PLPP3: variants seen among roughly 807,000 people sequenced by gnomAD.
The protein encoded by PLPP3 is phospholipid phosphatase 3.
PLPP3 carries 6 observed loss-of-function variants against 29.6 expected under a neutral mutation model. The ratio of observed to expected loss-of-function variants is 0.20; its 90% CI spans 0.11 to 0.40. The LOEUF is 0.40. Among genes scored for constraint, PLPP3 ranks in the 10% least tolerant of loss-of-function variants. PLPP3 has a pLI of 1.00. For missense variants in PLPP3, 308 were observed against 407.7 expected (o/e 0.76, Z 2.11); for synonymous variants, 152 against 159.7 (o/e 0.95, Z 0.36).
chr1:56,568,718 C>G (rs763999911), intron 1 of PLPP3, among the ~76,000 whole-genome samples: 4 of 152,134 alleles, frequency 2.6e-5, no homozygotes, highest in Non-Finnish European at 5.9e-5. Flanking sequence ...CTCCGCCTCC[C>G]GGGTTCAAGC....
At chr1:56,552,667 C>T (rs2100285046) in intron 1 of PLPP3, among the ~76,000 whole-genome samples, 1 of 152,270 alleles carries the variant, frequency 6.6e-6, no homozygotes, top group Middle Eastern at 3.4e-3. Flanking sequence ...TTCTCCTCTC[C>T]CTTTCTCATC....
At chr1:56,504,027 C>T (rs1407954331) in intron 5 of PLPP3, among the ~76,000 whole-genome samples, 1 of 152,184 alleles carries the variant, frequency 6.6e-6, no homozygotes, top group Non-Finnish European at 1.5e-5. Context: ...CCACCTTGGC[C>T]TCCTAAAGCG....
chr1:56,556,998 GAA>G (rs375397284), intron 1 of PLPP3, among the ~76,000 whole-genome samples: 242 of 7,448 alleles, frequency 0.032, 41 homozygotes, highest in African/African-American at 0.056. Flanking sequence ...AAGAAAGAAA[GAA>G]AGAAAGAAAG....
chr1:56,515,768 C>A (rs911375065), intron 4 of PLPP3, among the ~76,000 whole-genome samples: 2 of 152,146 alleles, frequency 1.3e-5, no homozygotes, highest in Non-Finnish European at 2.9e-5. Context: ...GAAAGCAGTG[C>A]AATAGTAAAG....
chr1:56,534,039 C>T (rs904589993), intron 2 of PLPP3, among the ~76,000 whole-genome samples: 33 of 152,172 alleles, frequency 2.2e-4, no homozygotes, highest in Non-Finnish European at 1.2e-4. Context: ...AGGTTCTGAG[C>T]GAGGCAAGCA....
chr1:56,523,771 A>T, intron 4 of PLPP3, 52 bp downstream of exon 4: 1 of 1,554,060 alleles, frequency 6.4e-7, no homozygotes. Context: ...TCATATCAGA[A>T]GGGATCGAAG....
intron 1 of PLPP3, among the ~76,000 whole-genome samples, chr1:56,555,456 A>AC (rs1646069970): frequency 6.7e-6 from 1 of 149,468 alleles, no homozygotes; most frequent in Admixed American, 6.7e-5. Flanking sequence ...AAAAAAAAAA[A>AC]AAAACAAAAA....
intron 1 of PLPP3, among the ~76,000 whole-genome samples, chr1:56,566,795 A>C (rs1777275): frequency 0.88 from 134,628 of 152,186 alleles, 59,773 homozygotes; most frequent in Non-Finnish European, 0.92. Flanking sequence ...GCATTTATAG[A>C]TCAACTCATT....
intron 5 of PLPP3, among the ~76,000 whole-genome samples, chr1:56,502,531 TAC>T (rs1197145155): frequency 6.6e-6 from 1 of 152,140 alleles, no homozygotes; most frequent in Non-Finnish European, 1.5e-5. Flanking sequence ...TTATCCAGAG[TAC>T]AGTTAAAAGA....
rs1014596270 is a variant in PLPP3, at chr1:56,524,702, T to A, written c.298-148A>T. 19 of 1,012,762 alleles carry A rather than the reference T, an allele frequency of 1.9e-5. No individual in the cohort carries two copies. Among genetic ancestry groups the A allele is most frequent in the Non-Finnish European group, 2.7e-5 (19 of 702,494 alleles). 62.7% of individuals were successfully genotyped at this position (1,012,762 alleles called of 1,614,324 possible). ...TATTTATGAAATATACAGACACAAA[T>A]ATGCACAGAAGAAAAGATCAAAGCG... On this transcript the variant is annotated intron_variant, in intron 2 of 5. Transcript: ENST00000371250. This position sits in a 1 kb window ranked among gnomAD's most constrained non-coding sequence, Gnocchi z 4.3.
At chr1:56,562,769 A>G (rs1315597027) in intron 1 of PLPP3, among the ~76,000 whole-genome samples, 2 of 152,226 alleles carry the variant, frequency 1.3e-5, no homozygotes, top group African/African-American at 2.4e-5. Context: ...TTTAATTATC[A>G]GCTCAGGACA....
At chr1:56,563,535 T>A (rs1646143499) in intron 1 of PLPP3, among the ~76,000 whole-genome samples, 1 of 152,236 alleles carries the variant, frequency 6.6e-6, no homozygotes, top group Non-Finnish European at 1.5e-5. Context: ...CCTTTTCTTC[T>A]AAGGCTCTAC....
rs1389323608 is a variant in PLPP3 at position 56,568,539 on chromosome 1, C to A, written c.139+10339G>T. ...TAGATTTCATAAATCTCCTATAAATCCTGCATTTAAAGTGTTTCTGGAAGG... is the reference window on the plus strand; with the variant it reads ...TAGATTTCATAAATCTCCTATAAATACTGCATTTAAAGTGTTTCTGGAAGG... On this transcript the variant is annotated intron_variant, in intron 1 of 5. Coordinates refer to ENST00000371250, the MANE Select transcript of PLPP3 (RefSeq NM_003713.5). Among the ~76,000 whole-genome samples, 3 of 152,286 alleles carry A rather than the reference C, an allele frequency of 2.0e-5. No homozygotes were observed. The South Asian group carries it at 6.2e-4, about 32-fold the overall frequency.
intron 1 of PLPP3, among the ~76,000 whole-genome samples, chr1:56,561,614 AT>A (rs1256929863): frequency 6.6e-6 from 1 of 152,172 alleles, no homozygotes; most frequent in Non-Finnish European, 1.5e-5. Context: ...TTTATAAAAT[AT>A]CTTTATATAC....
rs1553139188 is a variant in PLPP3 at position 56,555,454 on chromosome 1, A to AC, written c.140-18343_140-18342insG. ...ACACTAAAAAAAAAAAAAAAAAAAA[A>AC]AAAAAACAAAAAACAAACAAACAAA... On this transcript the variant is annotated intron_variant, in intron 1 of 5. Coordinates refer to ENST00000371250, the MANE Select transcript of PLPP3 (RefSeq NM_003713.5). Among the ~76,000 whole-genome samples the AC allele has an allele frequency of 1.5e-4, 22 of 149,526 alleles. No homozygotes were observed. In the South Asian group the frequency reaches 1.9e-3, roughly 13 times the overall value.
intron 2 of PLPP3, among the ~76,000 whole-genome samples, chr1:56,530,438 C>T (rs145714444): frequency 2.7e-3 from 417 of 152,194 alleles, no homozygotes; most frequent in African/African-American, 9.8e-3. Context: ...AGTACCATTT[C>T]AAATTAACCA....
chr1:56,526,595 T>A (rs1338874615), intron 2 of PLPP3, among the ~76,000 whole-genome samples: 1 of 152,202 alleles, frequency 6.6e-6, no homozygotes, highest in Non-Finnish European at 1.5e-5. Context: ...CATATGAGAT[T>A]TTTTATGCAG....
chr1:56,536,182 G>C (rs746319478), intron 2 of PLPP3, among the ~76,000 whole-genome samples: 1 of 152,122 alleles, frequency 6.6e-6, no homozygotes, highest in Non-Finnish European at 1.5e-5. Context: ...AAAAACACCT[G>C]TTCAAACCTC....
At chr1:56,528,077 T>C (rs1024838063) in intron 2 of PLPP3, among the ~76,000 whole-genome samples, 5 of 152,112 alleles carry the variant, frequency 3.3e-5, no homozygotes, top group African/African-American at 1.2e-4. Context: ...CTGAGAAAAA[T>C]GCCTTCAATG....
Sources: allele counts gnomAD v4.1 joint callset (sites outside exome capture counted in the v4.1 genomes callset), GRCh38; gene constraint gnomAD v4.1.1; non-coding constraint Gnocchi (gnomAD v3.1); transcripts MANE v1.5; gene names NCBI Gene and HGNC (gene_info 2026-07-23, HGNC 2026-07-21).